The following RFX4 variants were observed in gnomAD, a reference collection of about 807,000 sequenced individuals.
The protein encoded by RFX4 is regulatory factor X4.
In RFX4, 10 loss-of-function variants were observed where a neutral mutation model predicts 95.0. The observed-to-expected ratio is 0.11, with a 90% CI of 0.06 to 0.18. RFX4 has a LOEUF of 0.18. Ranked by LOEUF, RFX4 falls within the 10% of genes least tolerant of loss-of-function variation. RFX4 has a pLI of 1.00. For synonymous variants in RFX4, 321 were observed against 340.7 expected, an observed-to-expected ratio of 0.94 and a Z score of 0.64; for missense variants, 640 against 922.0, an observed-to-expected ratio of 0.69 and a Z score of 3.96.
chr12:106,701,858 C>CA (rs1043053282), intron 8 of RFX4, among the ~76,000 whole-genome samples: 6 of 151,052 alleles, frequency 4.0e-5, no homozygotes, highest in East Asian at 1.9e-4. Context: ...CCTGTCTCTA[C>CA]AAAAAAAAAT....
chr12:106,689,199 G>A, intron 6 of RFX4, 88 bp from the exon 7 acceptor site: 3 of 1,118,708 alleles, frequency 2.7e-6, no homozygotes, highest in Non-Finnish European at 4.1e-6. Context: ...CCACAGGGAA[G>A]AAATGACTTA....
chr12:106,634,712 C>T (rs1277990884), intron 2 of RFX4, among the ~76,000 whole-genome samples: 1 of 152,166 alleles, frequency 6.6e-6, no homozygotes, highest in African/African-American at 2.4e-5. Flanking sequence ...CTTCTCCACC[C>T]TACTCCTCAC....
At chr12:106,760,217 G>A (rs953276197) in intron 17 of RFX4, among the ~76,000 whole-genome samples, 5 of 152,146 alleles carry the variant, frequency 3.3e-5, no homozygotes, top group Admixed American at 6.5e-5. Flanking sequence ...GTCCTTGTTG[G>A]TGTAGCCCTC....
intron 3 of RFX4, among the ~76,000 whole-genome samples, chr12:106,649,371 A>G (rs539571609): frequency 1.2e-4 from 19 of 152,344 alleles, no homozygotes; most frequent in African/African-American, 4.3e-4. Flanking sequence ...TGCCAATTAC[A>G]TCCATTTGTT....
chr12:106,711,783 G>A (rs570820846), intron 10 of RFX4, among the ~76,000 whole-genome samples: 1 of 152,264 alleles, frequency 6.6e-6, no homozygotes, highest in African/African-American at 2.4e-5. Flanking sequence ...AGCCCAAAAT[G>A]TATGTAGTGG....
intron 8 of RFX4, among the ~76,000 whole-genome samples, chr12:106,702,892 T>C (rs1250094599): frequency 6.6e-6 from 1 of 152,182 alleles, no homozygotes; most frequent in Non-Finnish European, 1.5e-5. Context: ...CCTCCAAACA[T>C]GTACCTCTCA....
rs1283527975 is a variant in RFX4 at position 106,732,190 on chromosome 12, T to G, written c.1412T>G (p.Leu471Arg). The change falls in exon 14 of 18, where the codon CTG (leucine) becomes CGG (arginine). Residue 471 changes from leucine to arginine, a missense_variant. Around this residue, in one of 7 missense-constraint regions of RFX4, gnomAD observed 300 missense variants for 346.8 expected, o/e 0.87. Coordinates refer to ENST00000392842, the MANE Select transcript of RFX4 (RefSeq NM_213594.3). ...DDYVLYLLES[L>R]HCQERANELM... ...TACGTGCTCTACCTGTTAGAATCTC[T>G]GCACTGTCAGGAGCGGGCCAATGAG... 1 of 1,613,956 alleles carries G rather than the reference T, an allele frequency of 6.2e-7. No homozygotes were observed. The highest frequency in any genetic ancestry group is 8.5e-7 in the Non-Finnish European group (1 of 1,179,868).
intron 2 of RFX4, among the ~76,000 whole-genome samples, chr12:106,609,779 A>AT (rs534167272): frequency 7.8e-4 from 119 of 152,024 alleles, no homozygotes; most frequent in Non-Finnish European, 1.3e-3. Flanking sequence ...CACTGGTGTC[A>AT]TTACTACCCA....
chr12:106,665,011 G>A lies in RFX4; in HGVS notation c.315+10660G>A, dbSNP rs112900133. On this transcript the variant is annotated intron_variant, in intron 4 of 17. Coordinates refer to ENST00000392842, the MANE Select transcript of RFX4 (RefSeq NM_213594.3). ...TTTTTGGATGAAGTTGTCTATTAAT[G>A]TCAATTATATTTAATTGATTCATGT... Among the ~76,000 whole-genome samples the A allele has an allele frequency of 3.9e-3, 586 of 151,948 alleles. 3 individuals carry two copies. The highest frequency in any genetic ancestry group is 0.013 in the African/African-American group (552 of 41,546).
intron 5 of RFX4, chr12:106,683,042 A>G (rs1296983063): frequency 2.0e-5 from 3 of 152,238 alleles, no homozygotes; most frequent in African/African-American, 7.2e-5. Context: ...GTGCCTTATT[A>G]TGCAGCATTT....
chr12:106,601,415 G>A, intron 1 of RFX4: 2 of 1,473,594 alleles, frequency 1.4e-6, no homozygotes, highest in Non-Finnish European at 1.8e-6. Context: ...CTGGGGCCAG[G>A]CCCGCCTTGG....
At chr12:106,749,960 G>T (rs921446532) in intron 16 of RFX4, among the ~76,000 whole-genome samples, 2 of 152,132 alleles carry the variant, frequency 1.3e-5, no homozygotes, top group African/African-American at 2.4e-5. Context: ...ACAGTGGTTT[G>T]TTTTTTGTTA....
intron 2 of RFX4, among the ~76,000 whole-genome samples, chr12:106,623,350 G>A (rs2137241858): frequency 6.6e-6 from 1 of 152,066 alleles, no homozygotes; most frequent in African/African-American, 2.4e-5. Flanking sequence ...AGTGTTTTTT[G>A]CACTTGTCTA....
At chr12:106,742,621 C>A (rs1566002996) in intron 15 of RFX4, among the ~76,000 whole-genome samples, 1 of 152,174 alleles carries the variant, frequency 6.6e-6, no homozygotes, top group East Asian at 1.9e-4. Flanking sequence ...GGGCCTCACT[C>A]CCAATCTACT....
At chr12:106,595,704 A>C (rs948817122) in intron 1 of RFX4, among the ~76,000 whole-genome samples, 2 of 152,246 alleles carry the variant, frequency 1.3e-5, no homozygotes, top group African/African-American at 4.8e-5. Context: ...AATAGGTTCA[A>C]CATAAAAACC....
intron 2 of RFX4, among the ~76,000 whole-genome samples, chr12:106,631,673 CCTTCATCTTGAA>C (rs1173776828): frequency 6.6e-6 from 1 of 152,210 alleles, no homozygotes; most frequent in Admixed American, 6.5e-5. Flanking sequence ...ATCACTGGTG[CCTTCATCTTGAA>C]CTTCCAAGCC....
chr12:106,587,580 C>T (rs999708982), intron 1 of RFX4, among the ~76,000 whole-genome samples: 1 of 152,234 alleles, frequency 6.6e-6, no homozygotes, highest in South Asian at 2.1e-4. Flanking sequence ...CTTTTCTCAG[C>T]CCGCCTTGGA....
intron 4 of RFX4, among the ~76,000 whole-genome samples, chr12:106,676,034 A>G (rs1256976504): frequency 6.6e-6 from 1 of 152,216 alleles, no homozygotes; most frequent in African/African-American, 2.4e-5. Context: ...CTCCAGGTGC[A>G]AAACCATGGT....
At chr12:106,684,411 AG>A (rs1430232942) in intron 5 of RFX4, among the ~76,000 whole-genome samples, 1 of 152,174 alleles carries the variant, frequency 6.6e-6, no homozygotes, top group Non-Finnish European at 1.5e-5. Flanking sequence ...TTTTTTTAGA[AG>A]AAATTAAAAA....
Sources: allele counts gnomAD v4.1 joint callset (sites outside exome capture counted in the v4.1 genomes callset), GRCh38; gene constraint gnomAD v4.1.1; regional missense constraint gnomAD v4.1.1; transcripts MANE v1.5; gene names NCBI Gene and HGNC (gene_info 2026-07-23, HGNC 2026-07-21).